CCDC158: variants seen among roughly 807,000 people sequenced by gnomAD.
CCDC158 encodes coiled-coil domain containing 158, also known as coiled-coil domain-containing protein 158.
CCDC158 carries 116 observed loss-of-function variants against 138.6 expected under a neutral mutation model. That is an observed-to-expected ratio of 0.84 (90% CI 0.72 to 0.98). CCDC158 has a LOEUF of 0.98. CCDC158 is among the 50% of genes least tolerant of loss of function. CCDC158 has a pLI of 0.00. For synonymous variants in CCDC158, 436 were observed against 442.4 expected (o/e 0.99, Z 0.18); for missense variants, 1,265 against 1,306.1 (o/e 0.97, Z 0.48).
chr4:76,347,131 G>T (rs2110155452), intron 18 of CCDC158, among the ~76,000 whole-genome samples: 1 of 152,270 alleles, frequency 6.6e-6, no homozygotes, highest in South Asian at 2.1e-4. Flanking sequence ...ATTCCTCAAG[G>T]ATCTAGAACC....
At chr4:76,378,921 G>A (rs866279671) in intron 9 of CCDC158, among the ~76,000 whole-genome samples, 1 of 152,112 alleles carries the variant, frequency 6.6e-6, no homozygotes, top group Non-Finnish European at 1.5e-5. Flanking sequence ...TAGGAGTTAG[G>A]AGTTGAAGTA....
At chr4:76,335,295 A>G (rs1284041991) in intron 18 of CCDC158, among the ~76,000 whole-genome samples, 1 of 152,204 alleles carries the variant, frequency 6.6e-6, no homozygotes. Context: ...ATAATACCCA[A>G]TATGGAATAA....
intron 12 of CCDC158, among the ~76,000 whole-genome samples, chr4:76,366,714 T>G (rs1292242122): frequency 6.6e-6 from 1 of 151,758 alleles, no homozygotes; most frequent in Non-Finnish European, 1.5e-5. Context: ...ATGAGAAAGT[T>G]CAGAAGGAGA....
chr4:76,372,296 T>C (rs535652585), intron 9 of CCDC158, among the ~76,000 whole-genome samples: 1 of 152,234 alleles, frequency 6.6e-6, no homozygotes. Context: ...TTTTTAAAGG[T>C]TAGCTGGCCA....
intron 9 of CCDC158, among the ~76,000 whole-genome samples, chr4:76,374,128 C>T (rs1178431565): frequency 6.6e-6 from 1 of 152,132 alleles, no homozygotes; most frequent in South Asian, 2.1e-4. Flanking sequence ...TGCACTCCAG[C>T]CTTGGCAACA....
intron 1 of CCDC158, among the ~76,000 whole-genome samples, chr4:76,419,354 T>C (rs934941897): frequency 2.0e-5 from 3 of 151,172 alleles, no homozygotes; most frequent in Admixed American, 2.0e-4. Flanking sequence ...ACAGCATGTA[T>C]GTGATTTATG....
At chr4:76,334,983 C>A (rs559850193) in intron 18 of CCDC158, among the ~76,000 whole-genome samples, 1 of 152,140 alleles carries the variant, frequency 6.6e-6, no homozygotes, top group South Asian at 2.1e-4. Context: ...TTCTCCTCTT[C>A]TCAACTCCAC....
chr4:76,382,774 G>C, intron 7 of CCDC158, 54 bp from the exon 8 acceptor site: 2 of 1,187,238 alleles, frequency 1.7e-6, no homozygotes, highest in Non-Finnish European at 2.5e-6. Flanking sequence ...TCCTGACTAT[G>C]AATTATTTTA....
intron 24 of CCDC158, among the ~76,000 whole-genome samples, chr4:76,319,132 C>T (rs541309653): frequency 2.3e-4 from 35 of 152,044 alleles, no homozygotes; most frequent in Admixed American, 1.6e-3. Flanking sequence ...ATTAGCCAGG[C>T]GTGCTGGTGG....
At chr4:76,377,229 G>A (rs769456626) in intron 9 of CCDC158, among the ~76,000 whole-genome samples, 1 of 152,192 alleles carries the variant, frequency 6.6e-6, no homozygotes, top group Non-Finnish European at 1.5e-5. Flanking sequence ...CCAAACAACA[G>A]TATAATGGAA....
intron 8 of CCDC158, 73 bp downstream of exon 8, chr4:76,382,537 T>G: frequency 1.1e-6 from 1 of 948,154 alleles, no homozygotes; most frequent in Non-Finnish European, 1.6e-6. Context: ...TCTAAAAGAT[T>G]ATAGAACAGA....
intron 24 of CCDC158, among the ~76,000 whole-genome samples, chr4:76,320,794 G>GAAACC (rs1183502060): frequency 3.9e-5 from 6 of 152,126 alleles, no homozygotes; most frequent in Non-Finnish European, 8.8e-5. Context: ...CCTAAGACCT[G>GAAACC]AAACCACAAA....
intron 3 of CCDC158, among the ~76,000 whole-genome samples, chr4:76,397,707 A>T (rs1004409018): frequency 6.6e-6 from 1 of 152,210 alleles, no homozygotes; most frequent in Non-Finnish European, 1.5e-5. Context: ...ATAAGGAAGA[A>T]CTCTATGGTA....
chr4:76,394,787 AAGAT>A (rs1727627250), intron 4 of CCDC158, among the ~76,000 whole-genome samples: 1 of 152,044 alleles, frequency 6.6e-6, no homozygotes, highest in African/African-American at 2.4e-5. Context: ...AAAAAGAAAG[AAGAT>A]AGAAAACAGT....
intron 18 of CCDC158, among the ~76,000 whole-genome samples, chr4:76,350,247 C>A (rs189518668): frequency 6.6e-6 from 1 of 152,084 alleles, no homozygotes; most frequent in African/African-American, 2.4e-5. Flanking sequence ...TATGTTTCAG[C>A]GCACACATCT....
In CCDC158 at chr4:76,396,506, T is replaced by C; in HGVS notation, c.71-20A>G. On this transcript the variant is annotated intron_variant, in intron 3 of 24. Coordinates refer to ENST00000682701, the MANE Select transcript of CCDC158 (RefSeq NM_001394954.1). ...AAGAACCTAAATATTAAAGAATTCA[T>C]TAATTAACTTTTCGTTTTTTTTGAG... The C allele has an allele frequency of 6.4e-7, 1 of 1,570,326 alleles. No individual in the cohort carries two copies. The highest frequency in any genetic ancestry group is 8.7e-7 in the Non-Finnish European group (1 of 1,153,028).
chr4:76,345,678 G>A (rs761263835), intron 18 of CCDC158: 12 of 695,464 alleles, frequency 1.7e-5, no homozygotes, highest in Admixed American at 4.4e-5. Flanking sequence ...AGATTTATTA[G>A]CTTTAACTTT....
chr4:76,350,929 T>C, intron 18 of CCDC158, 67 bp downstream of exon 18: 1 of 1,466,472 alleles, frequency 6.8e-7, no homozygotes, highest in Non-Finnish European at 9.3e-7. Context: ...TTAACGTAAT[T>C]CTTTCCAATT....
intron 2 of CCDC158, among the ~76,000 whole-genome samples, chr4:76,408,122 C>T (rs1025008767): frequency 2.7e-5 from 4 of 150,310 alleles, no homozygotes; most frequent in Admixed American, 2.0e-4. Flanking sequence ...GCAGGGCTAC[C>T]CCATAAGCAG....
Sources: allele counts gnomAD v4.1 joint callset (sites outside exome capture counted in the v4.1 genomes callset), GRCh38; gene constraint gnomAD v4.1.1; transcripts MANE v1.5; gene names NCBI Gene and HGNC (gene_info 2026-07-23, HGNC 2026-07-21).